RBM47: variants seen among roughly 807,000 people sequenced by gnomAD.
RBM47 encodes the protein RNA-binding protein 47.
In RBM47, 21 loss-of-function variants were observed where a neutral mutation model predicts 47.1. That is an observed-to-expected ratio of 0.45 (90% confidence interval 0.32 to 0.64). RBM47 has a LOEUF of 0.64. Among genes scored for constraint, RBM47 ranks in the 30% least tolerant of loss-of-function variants. RBM47 has a pLI of 0.05. For missense variants in RBM47, 708 were observed against 870.9 expected (o/e 0.81, Z 2.35); for synonymous variants, 375 against 361.7 (o/e 1.04, Z -0.42).
intron 1 of RBM47, among the ~76,000 whole-genome samples, chr4:40,591,548 G>C (rs1479940326): frequency 6.6e-6 from 1 of 151,928 alleles, no homozygotes; most frequent in Non-Finnish European, 1.5e-5. Flanking sequence ...TACAAAATTA[G>C]CTGGGCGTGG....
intron 2 of RBM47, among the ~76,000 whole-genome samples, chr4:40,486,623 C>T (rs961676776): frequency 6.6e-6 from 1 of 152,082 alleles, no homozygotes; most frequent in Non-Finnish European, 1.5e-5. Flanking sequence ...TATGGTGAAA[C>T]CCCATCACAG....
intron 2 of RBM47, among the ~76,000 whole-genome samples, chr4:40,474,074 T>C (rs1422391263): frequency 6.6e-6 from 1 of 152,204 alleles, no homozygotes; most frequent in Non-Finnish European, 1.5e-5. Flanking sequence ...TAAACTTGGG[T>C]GCTGAGGGCT....
intron 2 of RBM47, among the ~76,000 whole-genome samples, chr4:40,538,605 G>A (rs776354061): frequency 3.3e-5 from 5 of 151,464 alleles, no homozygotes; most frequent in Non-Finnish European, 7.4e-5. Context: ...GATTATAGGT[G>A]TAAGCCATGG....
At chr4:40,583,893 C>A (rs113671441) in intron 1 of RBM47, among the ~76,000 whole-genome samples, 6,131 of 147,702 alleles carry the variant, frequency 0.042, 483 homozygotes, top group African/African-American at 0.15. Flanking sequence ...AACAAAAAAA[C>A]CAAAAAGCAG....
In RBM47 at chr4:40,474,867, A is replaced by T. The variant is rs563976090; in HGVS notation, c.-154-8168T>A. Among the ~76,000 whole-genome samples the T allele has an allele frequency of 6.6e-5, 10 of 152,322 alleles. No individual in the cohort carries two copies. The East Asian group carries it at 1.9e-3, about 29-fold the overall frequency. ...ACATATACATTTTGTTGCAACATTG[A>T]TTCATCATAATGAGAAGGGAGAAGG... On this transcript the variant is annotated intron_variant, in intron 2 of 6. Coordinates refer to ENST00000295971, the MANE Select transcript of RBM47 (RefSeq NM_001098634.2).
Position 40,566,078 on chromosome 4 carries a change from A to AC in RBM47, c.-239-21573_-239-21572insG, listed in dbSNP as rs955175599. Among the ~76,000 whole-genome samples the AC allele has an allele frequency of 7.9e-5, 12 of 150,988 alleles. No homozygotes were observed. The East Asian group carries it at 1.2e-3, about 15-fold the overall frequency. On this transcript the variant is annotated intron_variant, in intron 1 of 6. Coordinates refer to ENST00000295971, the MANE Select transcript of RBM47 (RefSeq NM_001098634.2). ...GCAAGACCCTGTCTCAACAACAACA[A>AC]AAAAAAAAGGAAAAAGATGGACAGA... is the stretch of plus-strand genomic sequence containing the variant.
chr4:40,431,400 T>G (rs887811550), intron 6 of RBM47, among the ~76,000 whole-genome samples: 1 of 152,194 alleles, frequency 6.6e-6, no homozygotes, highest in African/African-American at 2.4e-5. Context: ...GGCTCACGCC[T>G]GTAATCCCAG....
intron 5 of RBM47, among the ~76,000 whole-genome samples, chr4:40,434,721 AAAAAAAAT>A (rs1364974601): frequency 6.8e-6 from 1 of 146,426 alleles, no homozygotes; most frequent in African/African-American, 2.5e-5. Context: ...AAAAAAAAAA[AAAAAAAAT>A]CATTACTAGA....
chr4:40,597,975 A>G (rs1003660195), intron 1 of RBM47, among the ~76,000 whole-genome samples: 3 of 152,234 alleles, frequency 2.0e-5, no homozygotes, highest in Admixed American at 6.5e-5. Flanking sequence ...TGGTCAATTT[A>G]GCATACCAAC....
At chr4:40,595,924 A>G (rs934086811) in intron 1 of RBM47, among the ~76,000 whole-genome samples, 7 of 152,150 alleles carry the variant, frequency 4.6e-5, no homozygotes, top group Admixed American at 3.3e-4. Context: ...AAAAAAAAAA[A>G]AGAGATGTTA....
chr4:40,578,360 C>G (rs1232840388), intron 1 of RBM47, among the ~76,000 whole-genome samples: 1 of 152,222 alleles, frequency 6.6e-6, no homozygotes, highest in Non-Finnish European at 1.5e-5. Flanking sequence ...TTCTGCTCGG[C>G]TGACTGGAAC....
At chr4:40,580,118 A>AC (rs1276473467) in intron 1 of RBM47, among the ~76,000 whole-genome samples, 3 of 151,854 alleles carry the variant, frequency 2.0e-5, no homozygotes, top group African/African-American at 7.3e-5. Context: ...AATATCCTGG[A>AC]CCTCTCACCA....
intron 2 of RBM47, among the ~76,000 whole-genome samples, chr4:40,537,434 T>C (rs1269037387): frequency 2.0e-5 from 3 of 152,008 alleles, no homozygotes; most frequent in African/African-American, 7.2e-5. Flanking sequence ...GGCTAATTTT[T>C]GTAGAGATAG....
At chr4:40,520,406 G>A (rs1440014656) in intron 2 of RBM47, among the ~76,000 whole-genome samples, 1 of 152,196 alleles carries the variant, frequency 6.6e-6, no homozygotes, top group African/African-American at 2.4e-5. Flanking sequence ...CTGCAATAGG[G>A]CAGAATAATG....
intron 2 of RBM47, among the ~76,000 whole-genome samples, chr4:40,472,078 T>C (rs1398206485): frequency 6.6e-6 from 1 of 152,216 alleles, no homozygotes; most frequent in Non-Finnish European, 1.5e-5. Flanking sequence ...TTTAGCCTTA[T>C]AGTAATTGCT....
intron 6 of RBM47, 54 bp from the exon 7 acceptor site, chr4:40,426,197 T>A: frequency 1.9e-6 from 3 of 1,564,156 alleles, no homozygotes; most frequent in Non-Finnish European, 2.6e-6. Context: ...GTACCTATCA[T>A]CCATTCATTC....
Position 40,533,941 on chromosome 4 carries a change from G to A in RBM47, c.-155+10481C>T, listed in dbSNP as rs1429338245. ...AGCGATTCTCCTGCCTCAGCCTCCC[G>A]AGTGGCTGGGATTACAGGCATGCAC... On this transcript the variant is annotated intron_variant, in intron 2 of 6. Coordinates refer to ENST00000295971, the MANE Select transcript of RBM47 (RefSeq NM_001098634.2). 3.3e-5 allele frequency among the ~76,000 whole-genome samples: 5 copies of A among 151,154 alleles called. No individual in the cohort carries two copies. In the East Asian group the frequency reaches 7.8e-4, roughly 23 times the overall value.
In RBM47 at chr4:40,473,611, T is replaced by A. The variant is rs915240772; in HGVS notation, c.-154-6912A>T. Among the ~76,000 whole-genome samples the A allele has an allele frequency of 2.0e-5, 3 of 152,212 alleles. No homozygotes were observed. The East Asian group carries it at 5.8e-4, about 29-fold the overall frequency. On this transcript the variant is annotated intron_variant, in intron 2 of 6. Transcript: ENST00000295971. ...AAATATAGATAGGAGTTCAACTTTTTGGGTGACGAATAGAGAATATCAGAT... is the reference window on the plus strand; with the variant it reads ...AAATATAGATAGGAGTTCAACTTTTAGGGTGACGAATAGAGAATATCAGAT...
intron 1 of RBM47, among the ~76,000 whole-genome samples, chr4:40,567,155 A>T (rs1731181197): frequency 1.3e-5 from 2 of 151,850 alleles, no homozygotes; most frequent in Non-Finnish European, 2.9e-5. Context: ...GCCCAAATCT[A>T]ATTATTATGA....
Sources: allele counts gnomAD v4.1 joint callset (sites outside exome capture counted in the v4.1 genomes callset), GRCh38; gene constraint gnomAD v4.1.1; transcripts MANE v1.5; gene names NCBI Gene and HGNC (gene_info 2026-07-23, HGNC 2026-07-21).